INTS10: variants seen among roughly 807,000 people sequenced by gnomAD.
INTS10 encodes chromosome 8 open reading frame 35.
Under a neutral mutation model 94.4 loss-of-function variants are expected in INTS10, and 44 were observed. That is an observed-to-expected ratio of 0.47 (90% CI 0.37 to 0.60). The LOEUF is 0.60. INTS10 is among the 20% of genes least tolerant of loss of function. INTS10 has a pLI of 0.00. For missense variants in INTS10, 797 were observed against 868.7 expected, an observed-to-expected ratio of 0.92 and a Z score of 1.04; for synonymous variants, 341 against 320.7, an observed-to-expected ratio of 1.06 and a Z score of -0.68.
At chr8:19,841,899 A>C in intron 13 of INTS10, 1 of 453,678 alleles carries the variant, frequency 2.2e-6, no homozygotes, top group Non-Finnish European at 4.4e-6. Context: ...ACGACATCTC[A>C]GACAAGAAGA....
intron 12 of INTS10, 28 bp from the exon 13 acceptor site, chr8:19,837,024 A>T: frequency 7.2e-7 from 1 of 1,395,082 alleles, no homozygotes; most frequent in Non-Finnish European, 1.0e-6. Flanking sequence ...GCTTCAAGTT[A>T]GTTCCTTTTT....
chr8:19,840,498 A>G lies in INTS10; in HGVS notation c.1640-2350A>G, dbSNP rs561968407. 1.7e-4 allele frequency among the ~76,000 whole-genome samples: 26 copies of G among 152,356 alleles called. No homozygotes were observed. The South Asian group carries it at 5.0e-3, about 29-fold the overall frequency. On this transcript the variant is annotated intron_variant, in intron 13 of 16. Transcript: ENST00000397977. ...ATCTAGAATAGTCAAAACAGGTTTTAAAAAGACACAATTAAGTGACTTATA... is the reference window on the plus strand; with the variant it reads ...ATCTAGAATAGTCAAAACAGGTTTTGAAAAGACACAATTAAGTGACTTATA...
At chr8:19,839,798 C>T (rs971584777) in intron 13 of INTS10, among the ~76,000 whole-genome samples, 3 of 152,112 alleles carry the variant, frequency 2.0e-5, no homozygotes, top group Non-Finnish European at 4.4e-5. Context: ...CGCAGTGGCT[C>T]ACACCTCTAA....
chr8:19,818,185 T>G (rs995778429), intron 1 of INTS10, 90 bp from the exon 2 acceptor site: 1 of 1,259,018 alleles, frequency 7.9e-7, no homozygotes, highest in African/African-American at 1.5e-5. Context: ...AGGCCCTCCC[T>G]TCCTGCAGGA....
At chr8:19,820,158 G>T (rs117214882) in intron 3 of INTS10, among the ~76,000 whole-genome samples, 1 of 150,328 alleles carries the variant, frequency 6.7e-6, no homozygotes, top group African/African-American at 2.5e-5. Flanking sequence ...ATTGTTTTTT[G>T]AATTTGATCA....
rs1366581059 is a variant in INTS10, at chr8:19,817,461, T to TGGCTGCCGTGGCGGC, written c.-76_-62dup. 9 of 1,467,924 alleles carry TGGCTGCCGTGGCGGC rather than the reference T, an allele frequency of 6.1e-6. No homozygotes were observed. The East Asian group carries it at 1.4e-4, about 23-fold the overall frequency. 90.9% of individuals were successfully genotyped at this position (1,467,924 alleles called of 1,614,324 possible). ...CCCGCGGTGGCGGCGGCGGCGGCGGTGGCTGCCGTGGCGGCTGAGAGTCCA... is the reference window on the plus strand; with the variant it reads ...CCCGCGGTGGCGGCGGCGGCGGCGGTGGCTGCCGTGGCGGCGGCTGCCGTGGCGGCTGAGAGTCCA... On this transcript the variant is annotated 5_prime_UTR_variant, in exon 1 of 17. Coordinates refer to ENST00000397977, the MANE Select transcript of INTS10 (RefSeq NM_018142.4).
rs557519747 is a variant in INTS10, at chr8:19,839,265, C to T, written c.1639+2105C>T. On this transcript the variant is annotated intron_variant, in intron 13 of 16. Transcript: ENST00000397977. ...TTAACTATGAAGTATTGAATGCTTTCCCCCACTAAGATTAGAAACAATACA... is the reference window on the plus strand; with the variant it reads ...TTAACTATGAAGTATTGAATGCTTTTCCCCACTAAGATTAGAAACAATACA... Among the ~76,000 whole-genome samples, 91 of 152,258 alleles carry T rather than the reference C, an allele frequency of 6.0e-4. 1 individual carries two copies. In the South Asian group the frequency reaches 8.9e-3, roughly 15 times the overall value.
intron 8 of INTS10, among the ~76,000 whole-genome samples, chr8:19,825,292 G>A (rs952916213): frequency 9.9e-5 from 15 of 152,202 alleles, no homozygotes; most frequent in Non-Finnish European, 2.1e-4. Context: ...TTTGGCAGGT[G>A]AGGCCGGTGA....
In INTS10 at chr8:19,846,995, T is replaced by C. The variant is rs1447915095; in HGVS notation, c.1976+1198T>C. 6.6e-6 allele frequency among the ~76,000 whole-genome samples: 1 copy of C among 152,240 alleles called. No individual in the cohort carries two copies. Among genetic ancestry groups the C allele is most frequent in the Non-Finnish European group, 1.5e-5 (1 of 68,046 alleles). ...TGTGGAATAAACTAGTTTTCAGTGG[T>C]TGAAAGCAAAAATCCACATCTTGTT... On this transcript the variant is annotated intron_variant, in intron 16 of 16. Transcript: ENST00000397977. The surrounding 1 kb of genome is among the most constrained non-coding windows in gnomAD (Gnocchi z 4.2).
Position 19,832,014 on chromosome 8 carries a change from G to C in INTS10, c.1295-14G>C. On this transcript the variant is annotated splice_polypyrimidine_tract_variant and intron_variant, in intron 10 of 16. Coordinates refer to ENST00000397977, the MANE Select transcript of INTS10 (RefSeq NM_018142.4). ...GCATATATTTGGTAAATTTGTTCTT[G>C]AATTCTTACTCAGAATTTACAAGGA... The C allele has an allele frequency of 6.5e-7, 1 of 1,529,324 alleles. No homozygotes were observed. The highest frequency in any genetic ancestry group is 2.2e-5 in the East Asian group (1 of 44,460). The allele number at this position is 1,529,324 out of a possible 1,614,324, so 94.7% of individuals were successfully genotyped here. A position where few individuals can be genotyped will look rare whatever the true frequency, so the allele number is the denominator to read the frequency against.
At chr8:19,822,839 A>G (rs2066489453) in intron 5 of INTS10, among the ~76,000 whole-genome samples, 1 of 152,136 alleles carries the variant, frequency 6.6e-6, no homozygotes, top group South Asian at 2.1e-4. Context: ...AGTCCCAGCT[A>G]CTACGGAGGT....
At chr8:19,839,454 C>T (rs553474788) in intron 13 of INTS10, among the ~76,000 whole-genome samples, 1 of 152,178 alleles carries the variant, frequency 6.6e-6, no homozygotes, top group Non-Finnish European at 1.5e-5. Flanking sequence ...AATCCCCGCA[C>T]TTTGAGAGGC....
chr8:19,849,226 C>T lies in INTS10; in HGVS notation c.1977-2423C>T. ...CTTACCTGTGCTTCAGCCCAGCATA[C>T]AGACTGCTGACAGGTACCAAGTGGA... is the stretch of plus-strand genomic sequence containing the variant. On this transcript the variant is annotated intron_variant, in intron 16 of 16. Coordinates refer to ENST00000397977, the MANE Select transcript of INTS10 (RefSeq NM_018142.4). The surrounding 1 kb of genome is among the most constrained non-coding windows in gnomAD (Gnocchi z 4.6). 1 of 1,289,042 alleles carries T rather than the reference C, an allele frequency of 7.8e-7. No individual in the cohort carries two copies. Among genetic ancestry groups the T allele is most frequent in the Non-Finnish European group, 1.0e-6 (1 of 988,190 alleles). The allele number at this position is 1,289,042 out of a possible 1,614,324, so 79.9% of individuals were successfully genotyped here.
At chr8:19,838,085 G>T (rs1427452956) in intron 13 of INTS10, among the ~76,000 whole-genome samples, 1 of 152,206 alleles carries the variant, frequency 6.6e-6, no homozygotes, top group Non-Finnish European at 1.5e-5. Flanking sequence ...GCCAGGAACA[G>T]TAGCTCATGC....
At chr8:19,823,676 A>T (rs1171351186) in intron 6 of INTS10, among the ~76,000 whole-genome samples, 197 bp from the exon 7 acceptor site, 1 of 152,186 alleles carries the variant, frequency 6.6e-6, no homozygotes, top group African/African-American at 2.4e-5. Flanking sequence ...GGAACATTAC[A>T]AATGTACCAT....
At chr8:19,819,835 C>T (rs1474457191) in intron 3 of INTS10, among the ~76,000 whole-genome samples, 159 bp downstream of exon 3, 1 of 152,128 alleles carries the variant, frequency 6.6e-6, no homozygotes, top group Non-Finnish European at 1.5e-5. Flanking sequence ...CCTTGACTTG[C>T]TTAGAACCCT....
chr8:19,830,829 T>C (rs1161680811), intron 10 of INTS10, among the ~76,000 whole-genome samples: 1 of 152,136 alleles, frequency 6.6e-6, no homozygotes, highest in Non-Finnish European at 1.5e-5. Flanking sequence ...CGTGCGACCA[T>C]GCCCGGCTAA....
At position 19,851,751 on chromosome 8, in the gene INTS10, T is replaced by TG; in HGVS notation, c.2079_2080insG (p.Leu694AlafsTer7). ...GCTGTGGAGAGAATCTGATGGTGGT[T>TG]CTGCACAGGTTCTGCATTAATGAGA... On this transcript the variant is annotated frameshift_variant, in exon 17 of 17. Coordinates refer to ENST00000397977, the MANE Select transcript of INTS10 (RefSeq NM_018142.4). LOFTEE classifies it high-confidence loss of function. This position sits in a 1 kb window ranked among gnomAD's most constrained non-coding sequence, Gnocchi z 5.0. 6.2e-7 allele frequency: 1 copy of TG among 1,614,158 alleles called. No individual in the cohort carries two copies. Among genetic ancestry groups the TG allele is most frequent in the Non-Finnish European group, 8.5e-7 (1 of 1,180,002 alleles).
Position 19,849,338 on chromosome 8 carries a change from GCTTT to G in INTS10, c.1977-2302_1977-2299del. On this transcript the variant is annotated intron_variant, in intron 16 of 16. Coordinates refer to ENST00000397977, the MANE Select transcript of INTS10 (RefSeq NM_018142.4). The surrounding 1 kb of genome is among the most constrained non-coding windows in gnomAD (Gnocchi z 4.6). Reference sequence around the variant, plus strand: ...TTCGTTCCTCAGTGCTCTTTTTCATGCTTTCTTTCTTTTTTAATTTGTTCCGCAT... The same window carrying G: ...TTCGTTCCTCAGTGCTCTTTTTCATGCTTTCTTTTTTAATTTGTTCCGCAT... The G allele has an allele frequency of 1.3e-5, 5 of 398,056 alleles. No homozygotes were observed. Among genetic ancestry groups the G allele is most frequent in the South Asian group, 7.3e-5 (3 of 41,288 alleles). The allele number at this position is 398,056 out of a possible 1,614,324, so 24.7% of individuals were successfully genotyped here.
Sources: allele counts gnomAD v4.1 joint callset (sites outside exome capture counted in the v4.1 genomes callset), GRCh38; gene constraint gnomAD v4.1.1; non-coding constraint Gnocchi (gnomAD v3.1); transcripts MANE v1.5; gene names NCBI Gene and HGNC (gene_info 2026-07-23, HGNC 2026-07-21).